Variants in SH3GL2 observed in about 807,000 individuals in gnomAD.
SH3GL2 encodes the protein endophilin-A1.
A neutral mutation model predicts 46.0 loss-of-function variants in SH3GL2; 24 were observed. That is an observed-to-expected ratio of 0.52 (90% CI 0.38 to 0.73). The LOEUF (loss-of-function observed/expected upper bound fraction) is 0.73. Ranked by LOEUF, SH3GL2 falls within the 30% of genes least tolerant of loss-of-function variation. The pLI, the probability that SH3GL2 is intolerant of heterozygous loss-of-function variation, is 0.00. For missense variants in SH3GL2, 413 were observed against 424.2 expected, an observed-to-expected ratio of 0.97 and a Z score of 0.23; for synonymous variants, 196 against 147.1, an observed-to-expected ratio of 1.33 and a Z score of -2.40.
intron 1 of SH3GL2, among the ~76,000 whole-genome samples, chr9:17,672,931 A>C (rs917707223): frequency 6.6e-5 from 10 of 152,138 alleles, no homozygotes; most frequent in African/African-American, 2.2e-4. Context: ...AAAGTGAATT[A>C]ATCTCTTAGC....
intron 7 of SH3GL2, among the ~76,000 whole-genome samples, chr9:17,792,998 C>T (rs781705190): frequency 3.3e-5 from 5 of 152,172 alleles, no homozygotes; most frequent in Non-Finnish European, 7.3e-5. Context: ...ATAATCATAT[C>T]ATGGAGAATG....
chr9:17,624,635 G>T lies in SH3GL2; in HGVS notation c.45+45348G>T, dbSNP rs544563150. ...ATCAAATTTGAGTTGGCTAGTGGGG[G>T]CCCCTTCAAGATGGCTCCTGTGTCC... On this transcript the variant is annotated intron_variant, in intron 1 of 8. Coordinates refer to ENST00000380607, the MANE Select transcript of SH3GL2 (RefSeq NM_003026.5). 6.6e-5 allele frequency among the ~76,000 whole-genome samples: 10 copies of T among 152,258 alleles called. No homozygotes were observed. In the South Asian group the frequency reaches 2.1e-3, roughly 32 times the overall value.
intron 1 of SH3GL2, among the ~76,000 whole-genome samples, chr9:17,703,320 A>G (rs2118218176): frequency 6.6e-6 from 1 of 152,202 alleles, no homozygotes; most frequent in South Asian, 2.1e-4. Context: ...ATGTGATGTC[A>G]ATAATGAGTG....
At chr9:17,595,241 A>G (rs1249134620) in intron 1 of SH3GL2, among the ~76,000 whole-genome samples, 1 of 152,212 alleles carries the variant, frequency 6.6e-6, no homozygotes, top group Non-Finnish European at 1.5e-5. Flanking sequence ...TATCAAACCA[A>G]GACATACCTA....
chr9:17,699,912 A>G (rs114684288), intron 1 of SH3GL2, among the ~76,000 whole-genome samples: 172 of 152,304 alleles, frequency 1.1e-3, no homozygotes, highest in African/African-American at 3.8e-3. Flanking sequence ...CTCAGGAGTT[A>G]TGTTGCTGTA....
intron 1 of SH3GL2, among the ~76,000 whole-genome samples, chr9:17,625,513 C>T (rs145590018): frequency 2.0e-5 from 3 of 152,138 alleles, no homozygotes; most frequent in Non-Finnish European, 2.9e-5. Flanking sequence ...CTGGACAATA[C>T]CTTGTGTGAT....
chr9:17,626,972 A>C (rs1367746239), intron 1 of SH3GL2, among the ~76,000 whole-genome samples: 1 of 152,102 alleles, frequency 6.6e-6, no homozygotes, highest in Non-Finnish European at 1.5e-5. Context: ...GAGCCAGGAT[A>C]ATCTTCTTTA....
chr9:17,644,895 G>A (rs542837244), intron 1 of SH3GL2, among the ~76,000 whole-genome samples: 2,276 of 151,372 alleles, frequency 0.015, 25 homozygotes, highest in African/African-American at 0.025. Context: ...TTTCTGTCTC[G>A]TTGATCTGTC....
chr9:17,639,469 C>A (rs912261010), intron 1 of SH3GL2, among the ~76,000 whole-genome samples: 2 of 152,138 alleles, frequency 1.3e-5, no homozygotes, highest in Non-Finnish European at 2.9e-5. Context: ...ATATTAAAGC[C>A]ACAATGCGAT....
intron 1 of SH3GL2, among the ~76,000 whole-genome samples, chr9:17,745,443 T>C (rs552677239): frequency 6.6e-6 from 1 of 152,298 alleles, no homozygotes; most frequent in Non-Finnish European, 1.5e-5. Flanking sequence ...GCCATTTAAT[T>C]TTCATAACCG....
intron 1 of SH3GL2, among the ~76,000 whole-genome samples, chr9:17,660,433 G>A (rs1417424449): frequency 6.6e-6 from 1 of 152,174 alleles, no homozygotes; most frequent in Admixed American, 6.5e-5. Flanking sequence ...CTGTAGCTGA[G>A]CCGGTAGACA....
intron 1 of SH3GL2, among the ~76,000 whole-genome samples, chr9:17,622,982 T>TTCCCTTTCCTTTCCTTTCCTTTCCG (rs1563786408): frequency 3.2e-4 from 25 of 77,258 alleles, no homozygotes; most frequent in Admixed American, 5.5e-4. Flanking sequence ...TTTCGTTTCC[T>TTCCCTTTCCTTTCCTTTCCTTTCCG]TTCGTTTCCT....
intron 1 of SH3GL2, among the ~76,000 whole-genome samples, chr9:17,599,256 C>T (rs1444442394): frequency 6.6e-6 from 1 of 152,108 alleles, no homozygotes; most frequent in Non-Finnish European, 1.5e-5. Context: ...AGACTGTGCA[C>T]TATGGATGAA....
At chr9:17,705,050 CA>C (rs151216971) in intron 1 of SH3GL2, among the ~76,000 whole-genome samples, 23,336 of 150,540 alleles carry the variant, frequency 0.16, 2,789 homozygotes, top group African/African-American at 0.32. Context: ...AATTTACAAA[CA>C]AAAAAAAACC....
chr9:17,718,448 T>G (rs1370717733), intron 1 of SH3GL2, among the ~76,000 whole-genome samples: 1 of 152,086 alleles, frequency 6.6e-6, no homozygotes. Context: ...TCTGGCCAGG[T>G]GCAGTGGCTC....
chr9:17,665,989 T>G (rs1820332374), intron 1 of SH3GL2, among the ~76,000 whole-genome samples: 1 of 150,946 alleles, frequency 6.6e-6, no homozygotes, highest in Non-Finnish European at 1.5e-5. Flanking sequence ...TTTCCATATT[T>G]GTAACTCCAC....
rs7020749 is a variant in SH3GL2 at position 17,762,415 on chromosome 9, A to G, written c.187+906A>G. On this transcript the variant is annotated intron_variant, in intron 3 of 8. Coordinates refer to ENST00000380607, the MANE Select transcript of SH3GL2 (RefSeq NM_003026.5). Reference sequence around the variant, plus strand: ...ACAAGTGATCAAAAAAAAAAAAAAAAGGGGGCGGGTGTGGGCTGAGAGGAA... The same window carrying G: ...ACAAGTGATCAAAAAAAAAAAAAAAGGGGGGCGGGTGTGGGCTGAGAGGAA... Among the ~76,000 whole-genome samples the G allele has an allele frequency of 7.0e-3, 1,012 of 145,180 alleles. 9 individuals are homozygous for G. The highest frequency in any genetic ancestry group is 0.026 in the Middle Eastern group (7 of 274).
intron 1 of SH3GL2, among the ~76,000 whole-genome samples, chr9:17,639,485 T>C (rs1304020229): frequency 2.0e-5 from 3 of 152,220 alleles, no homozygotes; most frequent in Admixed American, 6.5e-5. Flanking sequence ...GCGATACAAC[T>C]GTATACCCAC....
chr9:17,674,307 C>A (rs1450127764), intron 1 of SH3GL2, among the ~76,000 whole-genome samples: 2 of 152,110 alleles, frequency 1.3e-5, no homozygotes, highest in East Asian at 3.9e-4. Flanking sequence ...CTCTCTGTTG[C>A]CCAGGCTGGA....
Sources: allele counts gnomAD v4.1 joint callset (sites outside exome capture counted in the v4.1 genomes callset), GRCh38; gene constraint gnomAD v4.1.1; transcripts MANE v1.5; gene names NCBI Gene and HGNC (gene_info 2026-07-23, HGNC 2026-07-21).